Variants in RIBC2 observed in about 807,000 individuals in gnomAD.
The protein encoded by RIBC2 is RIB43A domain with coiled-coils 2, also known as RIB43A-like with coiled-coils protein 2.
A neutral mutation model predicts 44.3 loss-of-function variants in RIBC2; 40 were observed. The observed-to-expected ratio is 0.90, with a 90% confidence interval of 0.70 to 1.18. The LOEUF (loss-of-function observed/expected upper bound fraction) is 1.18, where lower values mean the gene tolerates loss of function less well. Among genes scored for constraint, RIBC2 ranks in the 50% most tolerant of loss-of-function variants. The pLI, the probability that RIBC2 is intolerant of heterozygous loss-of-function variation, is 0.00. For synonymous variants in RIBC2, 171 were observed against 175.0 expected, an observed-to-expected ratio of 0.98 and a Z score of 0.18; for missense variants, 459 against 485.5, an observed-to-expected ratio of 0.95 and a Z score of 0.51.
intron 6 of RIBC2, among the ~76,000 whole-genome samples, chr22:45,431,724 CT>C (rs1472531426): frequency 6.6e-6 from 1 of 152,154 alleles, no homozygotes; most frequent in Non-Finnish European, 1.5e-5. Context: ...AATCCCAGCA[CT>C]TTGGGAGGCT....
intron 3 of RIBC2, among the ~76,000 whole-genome samples, chr22:45,418,542 C>G (rs937273924): frequency 6.6e-6 from 1 of 152,202 alleles, no homozygotes; most frequent in Non-Finnish European, 1.5e-5. Context: ...TGCCTGCACT[C>G]GAGCAGCACT....
intron 5 of RIBC2, among the ~76,000 whole-genome samples, chr22:45,428,081 G>C (rs535437718): frequency 6.6e-6 from 1 of 152,350 alleles, no homozygotes; most frequent in East Asian, 1.9e-4. Flanking sequence ...GTTTCCTGGA[G>C]GCCAAGTGAG....
intron 5 of RIBC2, among the ~76,000 whole-genome samples, chr22:45,427,703 C>T (rs944573861): frequency 4.6e-5 from 7 of 152,358 alleles, no homozygotes; most frequent in East Asian, 1.9e-4. Flanking sequence ...CATGCAGTCT[C>T]GGCCCACTGC....
Position 45,431,007 on chromosome 22 carries a change from C to T in RIBC2, c.1011C>T (p.Arg337=), listed in dbSNP as rs765862736. 6.3e-5 allele frequency: 100 copies of T among 1,591,394 alleles called. No individual in the cohort carries two copies. The highest frequency in any genetic ancestry group is 7.4e-5 in the Non-Finnish European group (87 of 1,169,708). ...LFERQQWRRQ[R]DLRRALDSSN... The stretch of plus-strand genomic sequence containing the variant: ...AGCGGCAGCAGTGGCGGCGGCAGCG[C>T]GACCTGCGCAGAGCTCTGGACAGCA... Residue 337 remains arginine, a synonymous_variant, in exon 6 of 7, where the codon CGC becomes CGT. Coordinates refer to ENST00000614167, the MANE Select transcript of RIBC2 (RefSeq NM_015653.5).
rs779521935 is a variant in RIBC2 at position 45,432,310 on chromosome 22, C to G, written c.1097C>G (p.Thr366Arg). Reference sequence around the variant, plus strand: ...AAAAAATATATGAATGAAGTCTATACAAATCAACCCACGGGAGACTATTTC... The same window carrying G: ...AAAAAATATATGAATGAAGTCTATAGAAATCAACCCACGGGAGACTATTTC... ...LQKKYMNEVY[T>R]NQPTGDYFTQ... Residue 366 changes from threonine to arginine, a missense_variant, in exon 7 of 7, where the codon ACA becomes AGA. Thr to Arg is a moderately conservative substitution (Grantham distance 71, BLOSUM62 -1). Coordinates refer to ENST00000614167, the MANE Select transcript of RIBC2 (RefSeq NM_015653.5). 3.1e-6 allele frequency: 5 copies of G among 1,592,574 alleles called. No homozygotes were observed. The highest frequency in any genetic ancestry group is 4.3e-6 in the Non-Finnish European group (5 of 1,164,702).
intron 3 of RIBC2, among the ~76,000 whole-genome samples, chr22:45,421,345 TTAAA>T (rs898175920): frequency 1.4e-5 from 2 of 140,880 alleles, no homozygotes; most frequent in Non-Finnish European, 3.0e-5. Flanking sequence ...ATAATAATAA[TTAAA>T]TAATTAATTA....
At chr22:45,426,283 C>A in intron 5 of RIBC2, 108 bp downstream of exon 5, 1 of 897,180 alleles carries the variant, frequency 1.1e-6, no homozygotes, top group Non-Finnish European at 1.7e-6. Flanking sequence ...TGCCCTAGCA[C>A]CTGCCCTCAA....
At position 45,422,356 on chromosome 22, in the gene RIBC2, G is replaced by C; in HGVS notation, c.623G>C (p.Ser208Thr). The C allele has an allele frequency of 6.2e-7, 1 of 1,614,216 alleles. No homozygotes were observed. The highest frequency in any genetic ancestry group is 8.5e-7 in the Non-Finnish European group (1 of 1,180,044). Residue 208 changes from serine (S) to threonine (T), a missense_variant, in exon 4 of 7, where the codon AGC becomes ACC. Coordinates refer to ENST00000614167, the MANE Select transcript of RIBC2 (RefSeq NM_015653.5). ...GCCAAGCACCTCCAGAAGCTGGAAAGCACCACCAGAAAGGCAGTTTGTGCA... is the reference window on the plus strand; with the variant it reads ...GCCAAGCACCTCCAGAAGCTGGAAACCACCACCAGAAAGGCAGTTTGTGCA... ...ETAKHLQKLE[S>T]TTRKAVCASV...
intron 5 of RIBC2, among the ~76,000 whole-genome samples, chr22:45,426,721 C>T (rs532083681): frequency 2.0e-5 from 3 of 152,224 alleles, no homozygotes; most frequent in East Asian, 1.9e-4. Flanking sequence ...GGATCCCCAG[C>T]GTGATCCCCC....
chr22:45,420,481 A>G (rs979533223), intron 3 of RIBC2, among the ~76,000 whole-genome samples: 9 of 152,146 alleles, frequency 5.9e-5, no homozygotes, highest in African/African-American at 2.2e-4. Context: ...CAAGTGGTCT[A>G]AATTTCCACC....
At chr22:45,414,447 G>C in intron 2 of RIBC2, 44 bp downstream of exon 2, 1 of 1,362,714 alleles carries the variant, frequency 7.3e-7, no homozygotes, top group Non-Finnish European at 1.0e-6. Flanking sequence ...AGGATTGTGT[G>C]GCTTTAGACT....
At chr22:45,429,171 C>T (rs914762803) in intron 5 of RIBC2, among the ~76,000 whole-genome samples, 3 of 152,220 alleles carry the variant, frequency 2.0e-5, no homozygotes, top group East Asian at 1.9e-4. Flanking sequence ...GGAGGGTCTC[C>T]GGACCCACAG....
chr22:45,413,899 A>C lies in RIBC2; in HGVS notation c.13A>C (p.Thr5Pro). The change falls in exon 1 of 7, where the codon ACC becomes CCC. Residue 5 changes from threonine (T) to proline (P), a missense_variant. Physicochemically the swap from Thr to Pro is conservative, Grantham distance 38 (BLOSUM62 -1). Transcript: ENST00000614167. Reference sequence around the variant, plus strand: ...CCTTAGGCTTTCCATGGGTTCCCAGACCATGGCGGTGGCGCTGCCCAGGGA... The same window carrying C: ...CCTTAGGCTTTCCATGGGTTCCCAGCCCATGGCGGTGGCGCTGCCCAGGGA... MGSQTMAVALPRDLR... is the reference protein window; with the variant it reads MGSQPMAVALPRDLR... 6.4e-7 allele frequency: 1 copy of C among 1,551,344 alleles called. No homozygotes were observed. Among genetic ancestry groups the C allele is most frequent in the Non-Finnish European group, 8.7e-7 (1 of 1,146,772 alleles).
At chr22:45,419,741 A>G (rs1386995734) in intron 3 of RIBC2, among the ~76,000 whole-genome samples, 2 of 151,112 alleles carry the variant, frequency 1.3e-5, no homozygotes, top group Non-Finnish European at 3.0e-5. Context: ...TCAAAAAAAA[A>G]AAAGACCGGG....
At chr22:45,415,674 C>T (rs188408218) in intron 2 of RIBC2, among the ~76,000 whole-genome samples, 1 of 152,004 alleles carries the variant, frequency 6.6e-6, no homozygotes, top group East Asian at 1.9e-4. Context: ...CCTTTCTCCT[C>T]AGAAGTGTTT....
Position 45,426,058 on chromosome 22 carries a change from G to A in RIBC2, c.786G>A (p.Gln262=), listed in dbSNP as rs1569210554. ...GGGACCTGCTCTCCGAGAACCCGCAGCAGGCAGCCAGCTCCTTCGGGCCCC... is the reference window on the plus strand; with the variant it reads ...GGGACCTGCTCTCCGAGAACCCGCAACAGGCAGCCAGCTCCTTCGGGCCCC... The part of the protein sequence containing the change: ...LRGDLLSENP[Q]QAASSFGPHR... The change falls in exon 5 of 7, where the codon CAG becomes CAA. Residue 262 remains glutamine, a synonymous_variant. Coordinates refer to ENST00000614167, the MANE Select transcript of RIBC2 (RefSeq NM_015653.5). The A allele has an allele frequency of 3.7e-6, 6 of 1,614,070 alleles. No homozygotes were observed. Among genetic ancestry groups the A allele is most frequent in the Non-Finnish European group, 4.2e-6 (5 of 1,179,996 alleles).
rs1364513496 is a variant in RIBC2, at chr22:45,425,931, T to C, written c.676-17T>C. ...GGGTCACTCGGACCATCTTCTTTAATGTCTTCACCTGCTTAGGCCATCGAG... is the reference window on the plus strand; with the variant it reads ...GGGTCACTCGGACCATCTTCTTTAACGTCTTCACCTGCTTAGGCCATCGAG... On this transcript the variant is annotated splice_polypyrimidine_tract_variant and intron_variant, in intron 4 of 6. Coordinates refer to ENST00000614167, the MANE Select transcript of RIBC2 (RefSeq NM_015653.5). 1.9e-6 allele frequency: 3 copies of C among 1,607,022 alleles called. No individual in the cohort carries two copies. Among genetic ancestry groups the C allele is most frequent in the Non-Finnish European group, 2.6e-6 (3 of 1,175,770 alleles).
chr22:45,426,038 C>T lies in RIBC2; in HGVS notation c.766C>T (p.Leu256=). The change falls in exon 5 of 7, where the codon CTG becomes TTG. Residue 256 remains leucine (L), a synonymous_variant. Transcript: ENST00000614167. ...AEITNLLRGD[L]LSENPQQAAS... ...GATCACCAACCTCCTGCGTGGGGAC[C>T]TGCTCTCCGAGAACCCGCAGCAGGC... 2 of 1,614,106 alleles carry T rather than the reference C, an allele frequency of 1.2e-6. No individual in the cohort carries two copies. Among genetic ancestry groups the T allele is most frequent in the Non-Finnish European group, 1.7e-6 (2 of 1,180,014 alleles).
Position 45,414,414 on chromosome 22 carries a change from C to T in RIBC2, c.211+11C>T. The T allele has an allele frequency of 6.6e-7, 1 of 1,526,112 alleles. No individual in the cohort carries two copies. Among genetic ancestry groups the T allele is most frequent in the Non-Finnish European group, 8.9e-7 (1 of 1,125,116 alleles). 94.5% of individuals were successfully genotyped at this position (1,526,112 alleles called of 1,614,324 possible). A position where few individuals can be genotyped will look rare whatever the true frequency, so the allele number is the denominator to read the frequency against. The stretch of plus-strand genomic sequence containing the variant: ...GACATGAAACCTTTGGTGAGCATTT[C>T]CTGAATGCTTATCTATTGGTTTAGG... On this transcript the variant is annotated intron_variant, in intron 2 of 6. Coordinates refer to ENST00000614167, the MANE Select transcript of RIBC2 (RefSeq NM_015653.5).
Sources: allele counts gnomAD v4.1 joint callset (sites outside exome capture counted in the v4.1 genomes callset), GRCh38; gene constraint gnomAD v4.1.1; transcripts MANE v1.5; gene names NCBI Gene and HGNC (gene_info 2026-07-23, HGNC 2026-07-21).